LRRC49: variants seen among roughly 807,000 people sequenced by gnomAD.
LRRC49 encodes the protein leucine rich repeat containing 49.
LRRC49 carries 50 observed loss-of-function variants against 83.3 expected under a neutral mutation model. That is an observed-to-expected ratio of 0.60 (90% CI 0.48 to 0.76). The LOEUF (loss-of-function observed/expected upper bound fraction) is 0.76. LRRC49 is among the 30% of genes least tolerant of loss of function. The pLI is 0.00. For missense variants in LRRC49, 704 were observed against 809.1 expected (o/e 0.87, Z 1.58); for synonymous variants, 286 against 283.3 (o/e 1.01, Z -0.10).
intron 11 of LRRC49, among the ~76,000 whole-genome samples, chr15:71,007,400 G>A (rs2038493577): frequency 2.0e-5 from 3 of 151,874 alleles, no homozygotes. Flanking sequence ...TGAGAAGTGT[G>A]TTCCAGGAGT....
chr15:71,007,478 G>C (rs1383595218), intron 11 of LRRC49, among the ~76,000 whole-genome samples: 3 of 151,724 alleles, frequency 2.0e-5, no homozygotes, highest in African/African-American at 7.3e-5. Flanking sequence ...ATAAATACTG[G>C]ATGAAAGGAG....
At chr15:70,958,301 C>T (rs781231342) in intron 8 of LRRC49, among the ~76,000 whole-genome samples, 3 of 152,120 alleles carry the variant, frequency 2.0e-5, no homozygotes, top group Admixed American at 6.6e-5. Context: ...TTCTAAAATA[C>T]TATTCTGATC....
At chr15:70,974,628 G>T (rs574146047) in intron 9 of LRRC49, among the ~76,000 whole-genome samples, 1 of 152,004 alleles carries the variant, frequency 6.6e-6, no homozygotes, top group African/African-American at 2.4e-5. Flanking sequence ...ACAGGGTTTG[G>T]CAAACTACAG....
intron 1 of LRRC49, among the ~76,000 whole-genome samples, chr15:70,856,495 T>G (rs2032657253): frequency 6.6e-6 from 1 of 152,160 alleles, no homozygotes; most frequent in Admixed American, 6.5e-5. Context: ...GGTATCAATT[T>G]TACTTAGCTA....
intron 9 of LRRC49, among the ~76,000 whole-genome samples, chr15:70,977,898 A>T (rs1271725788): frequency 6.6e-6 from 1 of 152,108 alleles, no homozygotes; most frequent in East Asian, 1.9e-4. Context: ...TGGCCTTGTC[A>T]CTAGCTATGT....
intron 8 of LRRC49, among the ~76,000 whole-genome samples, chr15:70,952,628 G>A (rs1318143512): frequency 6.6e-6 from 1 of 152,110 alleles, no homozygotes; most frequent in African/African-American, 2.4e-5. Context: ...GGAGTGTTCT[G>A]TAGATGTCTA....
At chr15:70,893,205 C>T (rs1373478946) in intron 1 of LRRC49, 4 of 586,754 alleles carry the variant, frequency 6.8e-6, no homozygotes, top group Non-Finnish European at 1.2e-5. Flanking sequence ...ATTTAAATTC[C>T]TTTGGCCAGT....
chr15:70,961,918 A>G (rs2036614058), intron 8 of LRRC49, among the ~76,000 whole-genome samples: 1 of 152,224 alleles, frequency 6.6e-6, no homozygotes, highest in Admixed American at 6.5e-5. Flanking sequence ...AGTTTAGAGG[A>G]TCTCAGAAAG....
At chr15:70,931,470 G>A (rs1476693116) in intron 7 of LRRC49, among the ~76,000 whole-genome samples, 1 of 151,988 alleles carries the variant, frequency 6.6e-6, no homozygotes, top group Admixed American at 6.6e-5. Flanking sequence ...ACCTAGAGAC[G>A]AAGTGAGCAC....
chr15:71,022,468 A>T (rs1852922968), intron 14 of LRRC49, among the ~76,000 whole-genome samples: 1 of 152,236 alleles, frequency 6.6e-6, no homozygotes, highest in African/African-American at 2.4e-5. Context: ...CATCTGACAT[A>T]TGTTTACATA....
chr15:71,048,527 T>C (rs1386177976), intron 15 of LRRC49, among the ~76,000 whole-genome samples: 1 of 152,254 alleles, frequency 6.6e-6, no homozygotes, highest in African/African-American at 2.4e-5. Context: ...TTACTTTCCT[T>C]CTTCATTGAT....
rs745973865 is a variant in LRRC49 at position 71,049,524 on chromosome 15, T to A, written c.1973T>A (p.Ile658Asn). The change falls in exon 16 of 16, where the codon ATT becomes AAT. Residue 658 changes from isoleucine (I) to asparagine (N), a missense_variant. Physicochemically the swap from Ile to Asn is moderately radical, Grantham distance 149 (BLOSUM62 -3). This residue lies in a region of LRRC49 where 275 missense variants were observed against 338.0 expected (regional missense o/e 0.81). Transcript: ENST00000260382. ...CAGAAGCTTTGGCCACAGATGTTCA[T>A]TGAGCTTGTTAGGGATGCAGTCATA... The part of the protein sequence containing the change: ...ALQKLWPQMF[I>N]ELVRDAVIEI... 1.9e-6 allele frequency: 3 copies of A among 1,613,866 alleles called. No individual in the cohort carries two copies. Among genetic ancestry groups the A allele is most frequent in the Non-Finnish European group, 2.5e-6 (3 of 1,179,836 alleles).
intron 2 of LRRC49, among the ~76,000 whole-genome samples, chr15:70,875,353 G>C (rs1198645837): frequency 6.6e-6 from 1 of 152,178 alleles, no homozygotes; most frequent in Non-Finnish European, 1.5e-5. Context: ...AAGATATATG[G>C]GTAAGGGGTT....
chr15:70,995,819 G>A (rs535698433), intron 11 of LRRC49, among the ~76,000 whole-genome samples: 1 of 152,302 alleles, frequency 6.6e-6, no homozygotes, highest in African/African-American at 2.4e-5. Context: ...CCAAGAGAAA[G>A]AGGAAGTATC....
chr15:70,941,507 AAAAAG>A (rs1317947219), intron 8 of LRRC49, among the ~76,000 whole-genome samples: 2 of 151,704 alleles, frequency 1.3e-5, no homozygotes, highest in East Asian at 3.9e-4. Context: ...TAAAAAAAAA[AAAAAG>A]AAAAGAAAAA....
chr15:71,037,544 C>T (rs528767821), intron 15 of LRRC49, among the ~76,000 whole-genome samples: 1 of 151,860 alleles, frequency 6.6e-6, no homozygotes, highest in East Asian at 1.9e-4. Flanking sequence ...GTTTCAGTAT[C>T]GTTATTTCAG....
intron 9 of LRRC49, among the ~76,000 whole-genome samples, chr15:70,978,584 A>C (rs1443960831): frequency 6.6e-6 from 1 of 152,190 alleles, no homozygotes; most frequent in Non-Finnish European, 1.5e-5. Flanking sequence ...TCAAATGTTG[A>C]AATCTGGTAG....
intron 14 of LRRC49, among the ~76,000 whole-genome samples, chr15:71,028,063 A>G (rs1055628532): frequency 2.6e-4 from 39 of 152,214 alleles, no homozygotes; most frequent in African/African-American, 8.9e-4. Context: ...CCCATTCAGT[A>G]TAATACTGGC....
In LRRC49 at chr15:70,893,939, C is replaced by T. The variant is rs545719957; in HGVS notation, c.105+299C>T. Among the ~76,000 whole-genome samples, 34 of 149,850 alleles carry T rather than the reference C, an allele frequency of 2.3e-4. 1 individual carries two copies. In the South Asian group the frequency reaches 4.6e-3, roughly 20 times the overall value. ...TCTAGCTGTATCACCCAGGCTGGGG[C>T]GCTGGGGTGCAGTGGCACAATTTTG... is the stretch of plus-strand genomic sequence containing the variant. On this transcript the variant is annotated intron_variant, in intron 2 of 15. Coordinates refer to ENST00000260382, the MANE Select transcript of LRRC49 (RefSeq NM_017691.5).
Sources: gnomAD v4.1 joint callset for allele counts (sites outside exome capture counted in the v4.1 genomes callset) on GRCh38, gnomAD v4.1.1 for gene constraint, gnomAD v4.1.1 regional missense constraint, MANE v1.5 for transcripts, NCBI Gene and HGNC (gene_info 2026-07-23, HGNC 2026-07-21) for gene names.